LDB2: variants seen among roughly 807,000 people sequenced by gnomAD.
LDB2 encodes LIM domain-binding protein 2.
Under a neutral mutation model 44.3 loss-of-function variants are expected in LDB2, and 12 were observed. That is an observed-to-expected ratio of 0.27 (90% CI 0.17 to 0.44). The LOEUF (loss-of-function observed/expected upper bound fraction) is 0.44. Among genes scored for constraint, LDB2 ranks in the 20% least tolerant of loss-of-function variants. The pLI is 1.00. For missense variants in LDB2, 344 were observed against 473.5 expected (o/e 0.73, Z 2.54); for synonymous variants, 164 against 174.8 (o/e 0.94, Z 0.49).
At chr4:16,569,015 A>G (rs1745499832) in intron 5 of LDB2, among the ~76,000 whole-genome samples, 1 of 152,200 alleles carries the variant, frequency 6.6e-6, no homozygotes, top group Admixed American at 6.5e-5. Context: ...TTTTGTGTAT[A>G]TGTGTAAATT....
intron 1 of LDB2, 66 bp downstream of exon 1, chr4:16,898,288 C>T: frequency 2.0e-6 from 3 of 1,501,516 alleles, no homozygotes; most frequent in Non-Finnish European, 2.7e-6. Flanking sequence ...GCCAGAAACC[C>T]TAGGAAAAGC....
chr4:16,855,499 T>C (rs994493923), intron 1 of LDB2, among the ~76,000 whole-genome samples: 3 of 152,170 alleles, frequency 2.0e-5, no homozygotes, highest in Non-Finnish European at 4.4e-5. Context: ...TTTTGTGCAA[T>C]ACCATTTTAG....
At chr4:16,574,948 C>T (rs1747802889) in intron 5 of LDB2, among the ~76,000 whole-genome samples, 1 of 152,154 alleles carries the variant, frequency 6.6e-6, no homozygotes, top group Non-Finnish European at 1.5e-5. Flanking sequence ...CTCCAAAACA[C>T]ATTTATTTGT....
chr4:16,651,570 C>A (rs775891522), intron 2 of LDB2, among the ~76,000 whole-genome samples: 1 of 136,502 alleles, frequency 7.3e-6, no homozygotes, highest in Non-Finnish European at 1.6e-5. Flanking sequence ...TTCTTGGACC[C>A]TGGGGTGATT....
intron 1 of LDB2, among the ~76,000 whole-genome samples, chr4:16,767,073 G>A (rs958943289): frequency 3.9e-4 from 60 of 152,088 alleles, no homozygotes; most frequent in African/African-American, 1.4e-3. Flanking sequence ...TTCATTAGGA[G>A]GTCCCTGTAC....
intron 2 of LDB2, among the ~76,000 whole-genome samples, chr4:16,730,418 T>C (rs1192622650): frequency 6.6e-6 from 1 of 152,194 alleles, no homozygotes; most frequent in Non-Finnish European, 1.5e-5. Context: ...TCTCTGAATC[T>C]TCCATGTGCA....
intron 2 of LDB2, among the ~76,000 whole-genome samples, chr4:16,725,688 A>C (rs1229137571): frequency 6.6e-6 from 1 of 151,572 alleles, no homozygotes; most frequent in East Asian, 1.9e-4. Context: ...CAGATCAAAG[A>C]CCTCTCTCAG....
At chr4:16,811,082 T>C (rs1330359891) in intron 1 of LDB2, among the ~76,000 whole-genome samples, 3 of 152,182 alleles carry the variant, frequency 2.0e-5, no homozygotes, top group Non-Finnish European at 4.4e-5. Context: ...TTTGCACTCC[T>C]TTGACAATCT....
At chr4:16,650,642 T>C (rs1288229268) in intron 2 of LDB2, among the ~76,000 whole-genome samples, 1 of 152,218 alleles carries the variant, frequency 6.6e-6, no homozygotes, top group African/African-American at 2.4e-5. Flanking sequence ...CTGCAGTGTA[T>C]AGCAATAGTT....
intron 5 of LDB2, among the ~76,000 whole-genome samples, chr4:16,519,772 TA>T (rs996481603): frequency 6.6e-6 from 1 of 151,774 alleles, no homozygotes; most frequent in Non-Finnish European, 1.5e-5. Context: ...ATGGGGATAA[TA>T]CTACTTATCT....
At chr4:16,688,613 G>T (rs896228512) in intron 2 of LDB2, among the ~76,000 whole-genome samples, 2 of 152,174 alleles carry the variant, frequency 1.3e-5, no homozygotes, top group African/African-American at 4.8e-5. Context: ...TTCTCTCACA[G>T]AGTCTTGAAT....
intron 1 of LDB2, among the ~76,000 whole-genome samples, chr4:16,806,780 GC>G (rs552266007): frequency 1.0e-3 from 153 of 152,264 alleles, no homozygotes; most frequent in Middle Eastern, 3.4e-3. Flanking sequence ...TGGACAGACT[GC>G]CTGGGTTGTA....
intron 2 of LDB2, among the ~76,000 whole-genome samples, chr4:16,696,988 A>G (rs1229307158): frequency 1.3e-5 from 2 of 152,104 alleles, no homozygotes; most frequent in South Asian, 2.1e-4. Context: ...AGGATAAGCT[A>G]TTTGGGGAGG....
At chr4:16,504,328 GT>G (rs968218864) in intron 7 of LDB2, among the ~76,000 whole-genome samples, 12 of 152,072 alleles carry the variant, frequency 7.9e-5, no homozygotes, top group Non-Finnish European at 1.6e-4. Flanking sequence ...GGAAAACCTT[GT>G]TTTATTTATT....
chr4:16,544,452 G>T (rs1377548062), intron 5 of LDB2, among the ~76,000 whole-genome samples: 1 of 152,212 alleles, frequency 6.6e-6, no homozygotes, highest in African/African-American at 2.4e-5. Flanking sequence ...CCCTGGAGTT[G>T]TTGGCAGAGG....
intron 2 of LDB2, among the ~76,000 whole-genome samples, chr4:16,704,937 G>A (rs939341701): frequency 6.6e-6 from 1 of 152,156 alleles, no homozygotes; most frequent in Admixed American, 6.5e-5. Flanking sequence ...CTAGGTCTAT[G>A]ATTACATGAT....
At chr4:16,733,353 GAA>G (rs75067360) in intron 2 of LDB2, among the ~76,000 whole-genome samples, 28 of 145,898 alleles carry the variant, frequency 1.9e-4, no homozygotes, top group Middle Eastern at 3.6e-3. Context: ...TAAGAATTTG[GAA>G]AAAAAAAAAA....
intron 1 of LDB2, among the ~76,000 whole-genome samples, chr4:16,853,237 A>T (rs1788634909): frequency 6.6e-6 from 1 of 152,202 alleles, no homozygotes; most frequent in East Asian, 1.9e-4. Flanking sequence ...CATGTATCTC[A>T]TAAAGGGTTA....
intron 4 of LDB2, among the ~76,000 whole-genome samples, chr4:16,587,906 G>T (rs1018434222): frequency 1.4e-4 from 21 of 151,880 alleles, no homozygotes; most frequent in African/African-American, 4.8e-4. Context: ...TCAAGGCCTG[G>T]CAGAGTAAAA....
Sources: gnomAD v4.1 joint callset for allele counts (sites outside exome capture counted in the v4.1 genomes callset) on GRCh38, gnomAD v4.1.1 for gene constraint, MANE v1.5 for transcripts, NCBI Gene and HGNC (gene_info 2026-07-23, HGNC 2026-07-21) for gene names.